The following PDZD2 variants were observed in gnomAD, a reference collection of about 807,000 sequenced individuals.
PDZD2 encodes the protein PDZ domain-containing protein 2.
PDZD2 carries 90 observed loss-of-function variants against 220.7 expected under a neutral mutation model. The ratio of observed to expected loss-of-function variants is 0.41; its 90% CI spans 0.34 to 0.49. The LOEUF (loss-of-function observed/expected upper bound fraction) is 0.49, where lower values mean the gene tolerates loss of function less well. Among genes scored for constraint, PDZD2 ranks in the 20% least tolerant of loss-of-function variants. PDZD2 has a pLI of 0.28. For missense variants in PDZD2, 3,174 were observed against 3,608.5 expected (o/e 0.88, Z 3.08); for synonymous variants, 1,375 against 1,450.5 (o/e 0.95, Z 1.18).
Position 32,072,236 on chromosome 5 carries a change from G to A in PDZD2, c.2644G>A (p.Val882Met). 1 of 1,614,018 alleles carries A rather than the reference G, an allele frequency of 6.2e-7. No homozygotes were observed. The highest frequency in any genetic ancestry group is 1.3e-5 in the African/African-American group (1 of 75,022). ...DVPGPLSDFM[V>M]AGSEDEDHPG... ...CCCTGGCCCCTTGTCAGACTTCATGGTGGCCGGTTCTGAGGACGAGGATCA... is the reference window on the plus strand; with the variant it reads ...CCCTGGCCCCTTGTCAGACTTCATGATGGCCGGTTCTGAGGACGAGGATCA... The change falls in exon 17 of 25, where the codon GTG (valine) becomes ATG (methionine). Residue 882 changes from valine to methionine, a missense_variant. Coordinates refer to ENST00000438447, the MANE Select transcript of PDZD2 (RefSeq NM_178140.4).
intron 6 of PDZD2, among the ~76,000 whole-genome samples, chr5:32,030,801 A>G (rs116252112): frequency 0.011 from 1,617 of 152,100 alleles, 27 homozygotes; most frequent in African/African-American, 0.035. Flanking sequence ...GTTCTAGCCT[A>G]TTCTCCTCCT....
At chr5:32,019,055 A>T (rs1172272848) in intron 6 of PDZD2, among the ~76,000 whole-genome samples, 1 of 151,910 alleles carries the variant, frequency 6.6e-6, no homozygotes, top group African/African-American at 2.4e-5. Flanking sequence ...GCCTGTTCCA[A>T]CTGGCTACCT....
intron 2 of PDZD2, among the ~76,000 whole-genome samples, chr5:31,887,458 A>C (rs1740614239): frequency 6.6e-6 from 1 of 152,034 alleles, no homozygotes; most frequent in African/African-American, 2.4e-5. Context: ...CACAGGCTTA[A>C]TTTTGTTTCA....
At chr5:31,645,759 G>A (rs182020244) in intron 1 of PDZD2, among the ~76,000 whole-genome samples, 1 of 152,166 alleles carries the variant, frequency 6.6e-6, no homozygotes, top group East Asian at 1.9e-4. Flanking sequence ...ATCCTGCTTG[G>A]CTAAAAATAA....
chr5:32,030,211 G>T (rs1463322658), intron 6 of PDZD2, among the ~76,000 whole-genome samples: 2 of 152,234 alleles, frequency 1.3e-5, no homozygotes, highest in African/African-American at 4.8e-5. Context: ...TGGCATGGAA[G>T]TGCTTAGACT....
intron 2 of PDZD2, among the ~76,000 whole-genome samples, chr5:31,949,999 A>G (rs1376751927): frequency 6.6e-6 from 1 of 152,094 alleles, no homozygotes; most frequent in Non-Finnish European, 1.5e-5. Context: ...TTAAATTTTA[A>G]TGCCAGAACT....
intron 2 of PDZD2, among the ~76,000 whole-genome samples, chr5:31,869,427 G>A (rs531017331): frequency 6.6e-5 from 10 of 152,116 alleles, no homozygotes; most frequent in South Asian, 6.2e-4. Flanking sequence ...GCCGGGCGTG[G>A]TGGCGGGCGC....
chr5:31,864,007 G>A (rs1277473259), intron 2 of PDZD2, among the ~76,000 whole-genome samples: 1 of 151,996 alleles, frequency 6.6e-6, no homozygotes, highest in East Asian at 1.9e-4. Flanking sequence ...TTCTTCCTCT[G>A]TACTAAGAGG....
chr5:31,787,460 G>GT (rs1471078550), intron 1 of PDZD2, among the ~76,000 whole-genome samples: 1 of 152,022 alleles, frequency 6.6e-6, no homozygotes, highest in Non-Finnish European at 1.5e-5. Flanking sequence ...ATTCATTAGG[G>GT]TTTTTTGGCC....
At chr5:32,106,810 ATCTC>A (rs1744807807) in intron 24 of PDZD2, among the ~76,000 whole-genome samples, 1 of 152,226 alleles carries the variant, frequency 6.6e-6, no homozygotes, top group Admixed American at 6.5e-5. Context: ...AAATGTATCT[ATCTC>A]AAGAAAAGCA....
chr5:31,658,086 A>G (rs190350420), intron 1 of PDZD2, among the ~76,000 whole-genome samples: 2 of 152,322 alleles, frequency 1.3e-5, no homozygotes, highest in Admixed American at 6.5e-5. Context: ...GAAAGAAAAA[A>G]TAATCACCCA....
At chr5:31,858,163 A>T (rs574154136) in intron 2 of PDZD2, among the ~76,000 whole-genome samples, 1 of 150,036 alleles carries the variant, frequency 6.7e-6, no homozygotes, top group Non-Finnish European at 1.5e-5. Context: ...GGGTTTCACC[A>T]TGTTGGCCAG....
At chr5:32,014,074 G>C (rs1330254938) in intron 6 of PDZD2, among the ~76,000 whole-genome samples, 3 of 152,120 alleles carry the variant, frequency 2.0e-5, no homozygotes, top group African/African-American at 7.2e-5. Context: ...TTAGTTATAT[G>C]TTCACAATCT....
intron 1 of PDZD2, among the ~76,000 whole-genome samples, chr5:31,737,648 C>A (rs954717756): frequency 2.0e-5 from 3 of 152,152 alleles, no homozygotes; most frequent in Non-Finnish European, 4.4e-5. Flanking sequence ...TGTGGCTTAT[C>A]GGAGTGGCTA....
intron 16 of PDZD2, among the ~76,000 whole-genome samples, chr5:32,071,731 G>A (rs1445421779): frequency 2.6e-5 from 4 of 152,170 alleles, no homozygotes; most frequent in Non-Finnish European, 5.9e-5. Flanking sequence ...AGGAGGCCAC[G>A]CAATCTTCCT....
At chr5:31,996,882 C>T (rs1283868704) in intron 4 of PDZD2, among the ~76,000 whole-genome samples, 1 of 152,100 alleles carries the variant, frequency 6.6e-6, no homozygotes, top group East Asian at 1.9e-4. Flanking sequence ...GAGACTCTGT[C>T]TCAAAAAAAC....
chr5:31,973,964 A>T (rs1166872463), intron 2 of PDZD2, among the ~76,000 whole-genome samples: 1 of 152,184 alleles, frequency 6.6e-6, no homozygotes, highest in Admixed American at 6.5e-5. Context: ...TCAAGACTGC[A>T]ATGAGGTTTG....
At chr5:31,794,740 T>C (rs1753932117) in intron 1 of PDZD2, among the ~76,000 whole-genome samples, 1 of 152,186 alleles carries the variant, frequency 6.6e-6, no homozygotes, top group East Asian at 1.9e-4. Flanking sequence ...TTTTTTTTTA[T>C]TTTTAATTTT....
chr5:31,941,244 G>T (rs1021435379), intron 2 of PDZD2, among the ~76,000 whole-genome samples: 1 of 152,176 alleles, frequency 6.6e-6, no homozygotes, highest in African/African-American at 2.4e-5. Flanking sequence ...GCTTTCCAAG[G>T]AGCCCCATCT....
Sources: allele counts gnomAD v4.1 joint callset (sites outside exome capture counted in the v4.1 genomes callset), GRCh38; gene constraint gnomAD v4.1.1; transcripts MANE v1.5; gene names NCBI Gene and HGNC (gene_info 2026-07-23, HGNC 2026-07-21).